The following LPP variants were observed in gnomAD, a reference collection of about 807,000 sequenced individuals.
LPP encodes lipoma-preferred partner.
Under a neutral mutation model 60.4 loss-of-function variants are expected in LPP, and 38 were observed. That is an observed-to-expected ratio of 0.63 (90% CI 0.49 to 0.83). LPP has a LOEUF of 0.83. Among genes scored for constraint, LPP ranks in the 40% least tolerant of loss-of-function variants. The probability of loss-of-function intolerance (pLI) is 0.00; values close to 1 mark genes in which losing one functional copy is unlikely to be tolerated. For synonymous variants in LPP, 328 were observed against 290.8 expected, an observed-to-expected ratio of 1.13 and a Z score of -1.30; for missense variants, 902 against 783.6, an observed-to-expected ratio of 1.15 and a Z score of -1.80.
chr3:188,537,684 A>G (rs1238797971), intron 6 of LPP, among the ~76,000 whole-genome samples: 4 of 152,212 alleles, frequency 2.6e-5, no homozygotes, highest in African/African-American at 9.6e-5. Flanking sequence ...CCCCAATTTG[A>G]TATATAGATG....
At chr3:188,273,580 A>G (rs910423770) in intron 2 of LPP, among the ~76,000 whole-genome samples, 96 of 100,076 alleles carry the variant, frequency 9.6e-4, no homozygotes, top group African/African-American at 3.3e-3. Context: ...TGACTTGGCT[A>G]TTTTATATCT....
intron 7 of LPP, among the ~76,000 whole-genome samples, chr3:188,644,128 A>C (rs1374942142): frequency 6.6e-6 from 1 of 152,198 alleles, no homozygotes; most frequent in African/African-American, 2.4e-5. Flanking sequence ...CTGTGTTCCA[A>C]AGAAATTCCT....
At chr3:188,508,722 C>T (rs1814299275) in intron 5 of LPP, among the ~76,000 whole-genome samples, 2 of 152,198 alleles carry the variant, frequency 1.3e-5, no homozygotes, top group South Asian at 4.1e-4. Context: ...CGGGTGAGAA[C>T]ACAGAAACTG....
chr3:188,192,228 G>C (rs1728377770), intron 1 of LPP, among the ~76,000 whole-genome samples: 1 of 152,192 alleles, frequency 6.6e-6, no homozygotes, highest in South Asian at 2.1e-4. Flanking sequence ...GGTGATGCTT[G>C]AGTTGGGTTT....
intron 8 of LPP, chr3:188,711,864 T>A (rs1711636296): frequency 6.6e-6 from 1 of 152,180 alleles, no homozygotes; most frequent in Non-Finnish European, 1.5e-5. Context: ...TGGAAAAGTA[T>A]TTATGGAATA....
intron 7 of LPP, among the ~76,000 whole-genome samples, chr3:188,670,493 C>A (rs566496198): frequency 4.6e-4 from 68 of 148,428 alleles, no homozygotes; most frequent in Non-Finnish European, 8.8e-4. Context: ...AATAGTTTTT[C>A]CACCCTTTTA....
intron 9 of LPP, among the ~76,000 whole-genome samples, chr3:188,855,693 A>T (rs1458134756): frequency 2.6e-5 from 4 of 152,232 alleles, no homozygotes; most frequent in African/African-American, 9.6e-5. Flanking sequence ...TTTGAACAAG[A>T]CAAAGAACCA....
At chr3:188,553,148 AC>A (rs1456703843) in intron 6 of LPP, among the ~76,000 whole-genome samples, 4 of 152,168 alleles carry the variant, frequency 2.6e-5, no homozygotes, top group Non-Finnish European at 5.9e-5. Flanking sequence ...GTGGTACCCA[AC>A]CATCCTTCGC....
At chr3:188,717,022 A>G (rs1384855415) in intron 8 of LPP, among the ~76,000 whole-genome samples, 2 of 152,224 alleles carry the variant, frequency 1.3e-5, no homozygotes, top group Non-Finnish European at 2.9e-5. Flanking sequence ...CAGCAGTCCT[A>G]CAAAATAGAC....
chr3:188,715,842 G>GC (rs1713746377), intron 8 of LPP, among the ~76,000 whole-genome samples: 1 of 152,202 alleles, frequency 6.6e-6, no homozygotes, highest in Non-Finnish European at 1.5e-5. Context: ...TGGCTGAGGA[G>GC]CCCTCAAGGC....
At chr3:188,624,795 C>CTTCCTTCCTTCT (rs1846494538) in intron 7 of LPP, among the ~76,000 whole-genome samples, 1 of 140,872 alleles carries the variant, frequency 7.1e-6, no homozygotes, top group African/African-American at 2.7e-5. Context: ...TCCTTCCTTC[C>CTTCCTTCCTTCT]TTCCTTCCTT....
chr3:188,807,227 A>G (rs1055844651), intron 9 of LPP, among the ~76,000 whole-genome samples: 1 of 151,962 alleles, frequency 6.6e-6, no homozygotes, highest in Non-Finnish European at 1.5e-5. Context: ...CTTTCAATGC[A>G]GTATGAATTT....
At chr3:188,753,690 G>A (rs1728931491) in intron 8 of LPP, among the ~76,000 whole-genome samples, 2 of 151,616 alleles carry the variant, frequency 1.3e-5, no homozygotes, top group East Asian at 3.9e-4. Flanking sequence ...TTCTTAATGT[G>A]ACTGTCTCCG....
rs543229390 is a variant in LPP, at chr3:188,305,754, C to A, written c.-66-35909C>A. 7.2e-5 allele frequency among the ~76,000 whole-genome samples: 11 copies of A among 152,286 alleles called. No individual in the cohort carries two copies. The South Asian group carries it at 1.4e-3, about 20-fold the overall frequency. ...GTTTTTCAGAGTCTGAAACACACAG[C>A]GACCGAAAGTATTTGGGATGGATGA... On this transcript the variant is annotated intron_variant, in intron 2 of 11. Transcript: ENST00000617246.
chr3:188,810,002 G>A (rs1380177936), intron 9 of LPP, among the ~76,000 whole-genome samples: 1 of 152,048 alleles, frequency 6.6e-6, no homozygotes, highest in African/African-American at 2.4e-5. Context: ...GATGTGTGGT[G>A]TAAATTCTGA....
At chr3:188,243,583 G>A (rs73059640) in intron 2 of LPP, among the ~76,000 whole-genome samples, 2,584 of 152,258 alleles carry the variant, frequency 0.017, 69 homozygotes, top group African/African-American at 0.056. Context: ...ACAATACACA[G>A]GCTAATTGAT....
chr3:188,165,180 G>C (rs369667659), intron 1 of LPP, among the ~76,000 whole-genome samples: 1 of 152,076 alleles, frequency 6.6e-6, no homozygotes, highest in Non-Finnish European at 1.5e-5. Flanking sequence ...AGAGGCTGAG[G>C]CGGGAGGATC....
intron 1 of LPP, among the ~76,000 whole-genome samples, chr3:188,156,972 A>T (rs575301204): frequency 1.3e-5 from 2 of 152,208 alleles, no homozygotes; most frequent in African/African-American, 4.8e-5. Context: ...CCTGTATTTT[A>T]TTGAGACAAA....
In LPP at chr3:188,888,802, C is replaced by T. The variant is rs1418200618; in HGVS notation, c.*14323C>T. 1 of 220,940 alleles carries T rather than the reference C, an allele frequency of 4.5e-6. No individual in the cohort carries two copies. The highest frequency in any genetic ancestry group is 9.1e-6 in the Non-Finnish European group (1 of 110,202). The allele number at this position is 220,940 out of a possible 1,614,324, so 13.7% of individuals were successfully genotyped here. A position where few individuals can be genotyped will look rare whatever the true frequency, so the allele number is the denominator to read the frequency against. On this transcript the variant is annotated 3_prime_UTR_variant, in exon 12 of 12. Transcript: ENST00000617246. ...CCAATATCCCCTCTCAAGCGGCTAC[C>T]GTGAAACGGGCTGCAAACACATTCC...
Sources: allele counts gnomAD v4.1 joint callset (sites outside exome capture counted in the v4.1 genomes callset), GRCh38; gene constraint gnomAD v4.1.1; transcripts MANE v1.5; gene names NCBI Gene and HGNC (gene_info 2026-07-23, HGNC 2026-07-21).